The following ZNF331 variants were observed in gnomAD, a reference collection of about 807,000 sequenced individuals.
ZNF331 encodes the protein zinc finger protein 331, also known as C2H2-like zinc finger protein rearranged in thyroid adenomas.
A neutral mutation model predicts 7.0 loss-of-function variants in ZNF331; 2 were observed. The observed-to-expected ratio is 0.29, with a 90% CI of 0.12 to 0.90. The LOEUF (loss-of-function observed/expected upper bound fraction) is 0.90, where lower values mean the gene tolerates loss of function less well. ZNF331 is among the 40% of genes least tolerant of loss of function. ZNF331 has a pLI of 0.58. For missense variants in ZNF331, 432 were observed against 587.7 expected (o/e 0.74, Z 2.74); for synonymous variants, 196 against 205.4 (o/e 0.95, Z 0.39).
chr19:53,562,763 G>T (rs2089957457), intron 3 of ZNF331, among the ~76,000 whole-genome samples: 1 of 151,680 alleles, frequency 6.6e-6, no homozygotes. Flanking sequence ...GCCGAGGTGG[G>T]CAGATCACGA....
rs758433153 is a variant in ZNF331, at chr19:53,576,985, G to A, written c.425G>A (p.Arg142His). 5 of 1,613,972 alleles carry A rather than the reference G, an allele frequency of 3.1e-6. No homozygotes were observed. The highest frequency in any genetic ancestry group is 1.7e-5 in the Admixed American group (1 of 59,982). ...ECKDCGKAFS[R>H]GYQLSQHQKI... ...AAGGACTGTGGGAAGGCCTTTAGTC[G>A]TGGCTATCAACTTAGTCAACATCAG... The change falls in exon 6 of 6, where the codon CGT (arginine) becomes CAT (histidine). Residue 142 changes from arginine (R) to histidine (H), a missense_variant. By Grantham distance (29) the Arg-to-His change is conservative. This residue lies in a region of ZNF331 where 312 missense variants were observed against 448.6 expected (regional missense o/e 0.70). Coordinates refer to ENST00000449416, the MANE Select transcript of ZNF331 (RefSeq NM_001079906.2).
intron 2 of ZNF331, among the ~76,000 whole-genome samples, chr19:53,545,591 G>A (rs754726360): frequency 1.3e-5 from 2 of 152,134 alleles, no homozygotes; most frequent in Non-Finnish European, 2.9e-5. Flanking sequence ...CACTCAGTAG[G>A]CCACACTCCC....
rs2090745518 is a variant in ZNF331 at position 53,576,793 on chromosome 19, C to T, written c.233C>T (p.Ser78Phe). ...AGGAATTCAGATAGAAGAAGTAAAT[C>T]CCTTGGCCGTAACTGGATATGTGAA... The part of the protein sequence containing the change: ...SKRNSDRRSK[S>F]LGRNWICEGT... The change falls in exon 6 of 6, where the codon TCC becomes TTC. Residue 78 changes from serine (S) to phenylalanine (F), a missense_variant. Physicochemically the swap from Ser to Phe is radical, Grantham distance 155. Around this residue, in one of 3 missense-constraint regions of ZNF331, gnomAD observed 81 missense variants for 70.3 expected, o/e 1.15. Transcript: ENST00000449416. The T allele has an allele frequency of 6.2e-7, 1 of 1,613,982 alleles. No homozygotes were observed. Among genetic ancestry groups the T allele is most frequent in the African/African-American group, 1.3e-5 (1 of 74,896 alleles).
the ZNF331 span, among the ~76,000 whole-genome samples, chr19:53,506,486 G>GTCTCTC: frequency 1.5e-5 from 1 of 68,658 alleles, no homozygotes; most frequent in Non-Finnish European, 2.9e-5. Context: ...CTCTCTGTCT[G>GTCTCTC]TCTCTCTCTC....
chr19:53,525,202 G>T (rs1317859040), intron 2 of ZNF331, among the ~76,000 whole-genome samples: 1 of 152,176 alleles, frequency 6.6e-6, no homozygotes, highest in Non-Finnish European at 1.5e-5. Context: ...GTAGTGTGAT[G>T]CCTCCAGCTT....
upstream of ZNF331, chr19:53,538,131 A>G (rs2087862606): frequency 6.6e-6 from 1 of 152,158 alleles, no homozygotes; most frequent in Admixed American, 6.6e-5. Flanking sequence ...GGGTGGCGGG[A>G]CCGAGTGTGT....
intron 4 of ZNF331, among the ~76,000 whole-genome samples, chr19:53,570,285 G>C (rs116608455): frequency 2.0e-5 from 3 of 151,562 alleles, no homozygotes; most frequent in African/African-American, 4.9e-5. Context: ...AATCAGGAAC[G>C]GGGGAAAGGC....
chr19:53,537,779 T>G (rs1256632549), upstream of ZNF331: 2 of 150,426 alleles, frequency 1.3e-5, no homozygotes, highest in Non-Finnish European at 3.0e-5. Flanking sequence ...TTTGGGAGAG[T>G]GGGAGGAGGG....
At position 53,559,613 on chromosome 19, in the gene ZNF331, TATATACACAC is replaced by T. The variant is rs199904942; in HGVS notation, c.-74+3717_-74+3726del. Among the ~76,000 whole-genome samples the T allele has an allele frequency of 5.3e-3, 703 of 133,558 alleles. 14 individuals carry two copies. Among genetic ancestry groups the T allele is most frequent in the East Asian group, 0.037 (134 of 3,644 alleles). 87.6% of individuals were successfully genotyped at this position (133,558 alleles called of 152,430 possible). On this transcript the variant is annotated intron_variant, in intron 3 of 5. Coordinates refer to ENST00000449416, the MANE Select transcript of ZNF331 (RefSeq NM_001079906.2). ...TTCATACATGTACATACACACCCCA[TATATACACAC>T]ATATACACACACATCCCATATATAC...
intron 2 of ZNF331, among the ~76,000 whole-genome samples, chr19:53,543,955 G>A (rs539097396): frequency 2.0e-5 from 3 of 152,146 alleles, no homozygotes; most frequent in South Asian, 2.1e-4. Flanking sequence ...CAAGCCAGAC[G>A]CGGTGGCTCA....
chr19:53,526,585 G>A (rs936116838), intron 2 of ZNF331, among the ~76,000 whole-genome samples: 5 of 149,092 alleles, frequency 3.4e-5, no homozygotes, highest in Non-Finnish European at 5.9e-5. Flanking sequence ...ACGGAGTCTC[G>A]CCCTGTCACC....
intron 2 of ZNF331, among the ~76,000 whole-genome samples, chr19:53,532,899 T>A (rs534678359): frequency 7.2e-5 from 11 of 152,144 alleles, no homozygotes; most frequent in Non-Finnish European, 1.3e-4. Flanking sequence ...GATTTTTGAG[T>A]CTTCCCTTTT....
intron 2 of ZNF331, among the ~76,000 whole-genome samples, chr19:53,548,976 G>A (rs2088808099): frequency 6.6e-6 from 1 of 151,740 alleles, no homozygotes; most frequent in African/African-American, 2.4e-5. Flanking sequence ...AGCCTCCTCA[G>A]TAGCTGAGAT....
chr19:53,559,766 AC>A (rs2147523413), intron 3 of ZNF331, among the ~76,000 whole-genome samples: 1 of 95,224 alleles, frequency 1.1e-5, no homozygotes, highest in African/African-American at 5.4e-5. Flanking sequence ...GCACACACAT[AC>A]CCATATATAC....
chr19:53,574,547 C>CAG (rs10632244), intron 5 of ZNF331, among the ~76,000 whole-genome samples: 114,046 of 151,894 alleles, frequency 0.75, 43,516 homozygotes, highest in African/African-American at 0.89. Flanking sequence ...CCTTTAGTAG[C>CAG]GGGTAGAGGT....
chr19:53,537,564 C>T (rs145034511), upstream of ZNF331: 1,306 of 152,528 alleles, frequency 8.6e-3, 11 homozygotes, highest in Non-Finnish European at 0.014. Flanking sequence ...CTGCCCGCTC[C>T]GGCACCGACC....
At chr19:53,559,218 A>G (rs1027147089) in intron 3 of ZNF331, among the ~76,000 whole-genome samples, 3 of 149,624 alleles carry the variant, frequency 2.0e-5, no homozygotes, top group African/African-American at 7.3e-5. Flanking sequence ...ACATATAGAG[A>G]CACATATATA....
chr19:53,528,299 A>G (rs2569568), intron 2 of ZNF331, among the ~76,000 whole-genome samples: 39,932 of 152,154 alleles, frequency 0.26, 6,204 homozygotes, highest in African/African-American at 0.43. Context: ...GTTAGCATTC[A>G]TGATATTGAT....
intron 1 of ZNF331, chr19:53,538,641 G>A (rs1176473305): frequency 6.5e-6 from 1 of 153,716 alleles, no homozygotes; most frequent in South Asian, 2.1e-4. Flanking sequence ...TCTCAGGACA[G>A]AGTGAGCTGT....
Sources: allele counts gnomAD v4.1 joint callset (sites outside exome capture counted in the v4.1 genomes callset), GRCh38; gene constraint gnomAD v4.1.1; regional missense constraint gnomAD v4.1.1; transcripts MANE v1.5; gene names NCBI Gene and HGNC (gene_info 2026-07-23, HGNC 2026-07-21).